Variants in LINGO2 observed in about 807,000 individuals in gnomAD.
The protein encoded by LINGO2 is leucine rich repeat and Ig domain containing 2, also known as leucine-rich repeat and immunoglobulin-like domain-containing nogo receptor-interacting protein 2.
In LINGO2, 14 loss-of-function variants were observed where a neutral mutation model predicts 30.6. The ratio of observed to expected loss-of-function variants is 0.46; its 90% CI spans 0.30 to 0.72. The LOEUF (loss-of-function observed/expected upper bound fraction) is 0.72. LINGO2 is among the 30% of genes least tolerant of loss of function. LINGO2 has a pLI of 0.07. For synonymous variants in LINGO2, 317 were observed against 288.5 expected (o/e 1.10, Z -1.00); for missense variants, 729 against 751.7 (o/e 0.97, Z 0.35).
chr9:28,256,040 G>T (rs1048415351), intron 4 of LINGO2, among the ~76,000 whole-genome samples: 4 of 151,960 alleles, frequency 2.6e-5, no homozygotes, highest in Admixed American at 6.6e-5. Context: ...ATTTCTGAGG[G>T]AATGTTTCAG....
At chr9:28,277,330 G>A (rs757910670) in intron 4 of LINGO2, among the ~76,000 whole-genome samples, 11 of 152,062 alleles carry the variant, frequency 7.2e-5, no homozygotes, top group Non-Finnish European at 1.6e-4. Context: ...AAACTTAACC[G>A]ATAAATGTAT....
chr9:29,058,422 G>A, the LINGO2 span, among the ~76,000 whole-genome samples: 47 of 152,056 alleles, frequency 3.1e-4, no homozygotes, highest in African/African-American at 1.1e-3. Flanking sequence ...AAAAACACCT[G>A]GAAGTAAAAA....
At chr9:28,733,294 A>G in the LINGO2 span, among the ~76,000 whole-genome samples, 1 of 152,114 alleles carries the variant, frequency 6.6e-6, no homozygotes, top group Non-Finnish European at 1.5e-5. Context: ...TATCTGGGAG[A>G]AAAAGGTCAT....
intron 2 of LINGO2, among the ~76,000 whole-genome samples, chr9:28,394,246 T>C (rs931766281): frequency 6.6e-6 from 1 of 152,194 alleles, no homozygotes; most frequent in Non-Finnish European, 1.5e-5. Flanking sequence ...GTAAAGACTA[T>C]GAACCACAGT....
the LINGO2 span, among the ~76,000 whole-genome samples, chr9:28,684,914 G>T: frequency 6.6e-6 from 1 of 152,028 alleles, no homozygotes; most frequent in South Asian, 2.1e-4. Flanking sequence ...TTGATGTACA[G>T]ATTATTTCGT....
chr9:28,949,473 T>C, the LINGO2 span, among the ~76,000 whole-genome samples: 1 of 151,906 alleles, frequency 6.6e-6, no homozygotes, highest in African/African-American at 2.4e-5. Flanking sequence ...CAGAGAATAC[T>C]GTAAACACAT....
the LINGO2 span, among the ~76,000 whole-genome samples, chr9:29,100,180 C>T: frequency 6.6e-6 from 1 of 152,116 alleles, no homozygotes; most frequent in South Asian, 2.1e-4. Flanking sequence ...AAAAATAAAA[C>T]AGTTGAACTC....
the LINGO2 span, among the ~76,000 whole-genome samples, chr9:28,850,027 T>G: frequency 6.6e-6 from 1 of 152,068 alleles, no homozygotes; most frequent in African/African-American, 2.4e-5. Flanking sequence ...ACTGAGTGAA[T>G]GAAGTGCTTA....
intron 4 of LINGO2, among the ~76,000 whole-genome samples, chr9:28,246,074 T>G (rs2133992157): frequency 6.6e-6 from 1 of 152,104 alleles, no homozygotes; most frequent in Non-Finnish European, 1.5e-5. Flanking sequence ...ACCAAAACAC[T>G]ATGGTACTGG....
At chr9:28,069,053 C>T (rs1417860450) in intron 4 of LINGO2, among the ~76,000 whole-genome samples, 1 of 152,074 alleles carries the variant, frequency 6.6e-6, no homozygotes, top group Non-Finnish European at 1.5e-5. Flanking sequence ...GATAAAAAGC[C>T]ATCTGAGCAT....
At chr9:28,166,517 T>C (rs1476104724) in intron 4 of LINGO2, among the ~76,000 whole-genome samples, 1 of 152,192 alleles carries the variant, frequency 6.6e-6, no homozygotes, top group Non-Finnish European at 1.5e-5. Flanking sequence ...CTTTATGGTA[T>C]TTATGTTGGA....
the LINGO2 span, among the ~76,000 whole-genome samples, chr9:28,992,369 G>A: frequency 1.3e-5 from 2 of 152,036 alleles, no homozygotes; most frequent in Non-Finnish European, 2.9e-5. Context: ...CATAAAGCAA[G>A]TCCTCAGTGA....
At chr9:28,658,874 T>C (rs931989163) in intron 1 of LINGO2, among the ~76,000 whole-genome samples, 2 of 152,052 alleles carry the variant, frequency 1.3e-5, no homozygotes, top group Non-Finnish European at 2.9e-5. Context: ...AACACATTAT[T>C]AGTTTAAGGG....
chr9:28,879,695 C>T, the LINGO2 span, among the ~76,000 whole-genome samples: 1 of 152,114 alleles, frequency 6.6e-6, no homozygotes, highest in African/African-American at 2.4e-5. Flanking sequence ...TCCATGTCCC[C>T]CAGAGCTAAC....
intron 2 of LINGO2, among the ~76,000 whole-genome samples, chr9:28,383,367 T>A (rs1821437651): frequency 6.6e-6 from 1 of 151,990 alleles, no homozygotes; most frequent in Non-Finnish European, 1.5e-5. Flanking sequence ...TTCTCCTCTG[T>A]TTTTAATCTT....
chr9:29,080,312 G>A, the LINGO2 span, among the ~76,000 whole-genome samples: 2 of 152,060 alleles, frequency 1.3e-5, no homozygotes, highest in African/African-American at 4.8e-5. Flanking sequence ...ATTTTTTATT[G>A]CATCTATTTC....
exon 6 of LINGO2, chr9:27,950,282 A>G: frequency 6.2e-7 from 1 of 1,614,144 alleles, no homozygotes. Context: ...GCTTAGTGAG[A>G]TTGGACAGCC....
At chr9:28,427,176 C>G (rs1296149198) in intron 2 of LINGO2, among the ~76,000 whole-genome samples, 2 of 152,048 alleles carry the variant, frequency 1.3e-5, no homozygotes, top group Non-Finnish European at 1.5e-5. Flanking sequence ...TTAGATGCTG[C>G]AAGGGATACA....
the LINGO2 span, among the ~76,000 whole-genome samples, chr9:29,015,657 T>C: frequency 1.3e-5 from 2 of 152,106 alleles, no homozygotes; most frequent in Non-Finnish European, 2.9e-5. Context: ...ACCAGTACAA[T>C]CTATAGATTA....
Sources: gnomAD v4.1 joint callset for allele counts (sites outside exome capture counted in the v4.1 genomes callset) on GRCh38, gnomAD v4.1.1 for gene constraint, MANE v1.5 for transcripts, NCBI Gene and HGNC (gene_info 2026-07-23, HGNC 2026-07-21) for gene names.